Variants in CELF2 observed in about 807,000 individuals in gnomAD.
CELF2 encodes CUGBP Elav-like family member 2, also known as CUG triplet repeat RNA-binding protein 2.
Under a neutral mutation model 62.6 loss-of-function variants are expected in CELF2, and 8 were observed. The observed-to-expected ratio is 0.13, with a 90% CI of 0.07 to 0.23. The LOEUF is 0.23. Ranked by LOEUF, CELF2 falls within the 10% of genes least tolerant of loss-of-function variation. The probability of loss-of-function intolerance (pLI) is 1.00; values close to 1 mark genes in which losing one functional copy is unlikely to be tolerated. For synonymous variants in CELF2, 258 were observed against 250.0 expected, an observed-to-expected ratio of 1.03 and a Z score of -0.30; for missense variants, 333 against 671.0, an observed-to-expected ratio of 0.50 and a Z score of 5.56.
At chr10:10,656,878 A>T in the CELF2 span, among the ~76,000 whole-genome samples, 1 of 151,560 alleles carries the variant, frequency 6.6e-6, no homozygotes, top group African/African-American at 2.4e-5. Flanking sequence ...TAATTAAAAA[A>T]ATAAAAAATA....
the CELF2 span, among the ~76,000 whole-genome samples, chr10:10,606,147 A>G: frequency 1.3e-3 from 197 of 152,338 alleles, no homozygotes; most frequent in African/African-American, 4.5e-3. Flanking sequence ...ACAAAGGGGT[A>G]GAAGGATTCA....
chr10:10,549,288 G>A, the CELF2 span, among the ~76,000 whole-genome samples: 1 of 152,040 alleles, frequency 6.6e-6, no homozygotes, highest in Non-Finnish European at 1.5e-5. Context: ...TCTTCTTTTT[G>A]TTGTTGTCTT....
the CELF2 span, among the ~76,000 whole-genome samples, chr10:10,785,814 T>A: frequency 2.0e-5 from 3 of 152,198 alleles, no homozygotes; most frequent in African/African-American, 7.2e-5. Flanking sequence ...TTGCACAACA[T>A]GGTGACTATA....
chr10:10,847,508 T>C (rs1181682004), intron 1 of CELF2, among the ~76,000 whole-genome samples: 2 of 152,166 alleles, frequency 1.3e-5, no homozygotes, highest in Non-Finnish European at 2.9e-5. Flanking sequence ...CCTCACTCTG[T>C]AAACATTCAC....
At chr10:11,131,784 G>C (rs752086941) in intron 1 of CELF2, among the ~76,000 whole-genome samples, 26 of 152,354 alleles carry the variant, frequency 1.7e-4, no homozygotes, top group Non-Finnish European at 2.9e-4. Context: ...TTTGGGAAAA[G>C]AGAGGGTTCA....
chr10:11,181,566 A>C (rs1300177335), intron 2 of CELF2, among the ~76,000 whole-genome samples: 1 of 152,176 alleles, frequency 6.6e-6, no homozygotes, highest in Non-Finnish European at 1.5e-5. Context: ...TCCAGTGCAT[A>C]TGCCATTGCA....
chr10:11,313,468 C>T (rs11257055), intron 9 of CELF2, among the ~76,000 whole-genome samples: 34,459 of 152,060 alleles, frequency 0.23, 4,512 homozygotes, highest in East Asian at 0.38. Flanking sequence ...AAACAAAATA[C>T]AGCAATTTCT....
chr10:11,044,492 T>G (rs1246673479), intron 1 of CELF2, among the ~76,000 whole-genome samples: 1 of 152,246 alleles, frequency 6.6e-6, no homozygotes, highest in Non-Finnish European at 1.5e-5. Flanking sequence ...TCAATTTGTG[T>G]GAATCTCTGT....
At position 11,335,747 on chromosome 10, in the gene CELF2, GATTAA is replaced by G. The variant is rs2096108246; in HGVS notation, c.*6699_*6703del. 1 of 152,100 alleles carries G rather than the reference GATTAA, an allele frequency of 6.6e-6. No homozygotes were observed. Among genetic ancestry groups the G allele is most frequent in the African/African-American group, 2.4e-5 (1 of 41,390 alleles). 9.4% of individuals were successfully genotyped at this position (152,100 alleles called of 1,614,324 possible). A position where few individuals can be genotyped will look rare whatever the true frequency, so the allele number is the denominator to read the frequency against. Reference sequence around the variant, plus strand: ...GGGGATGTTGGGAGGCATGGGGGGTGATTAAATTATCATTTCCAAGGTGCAAGTGT... The same window carrying G: ...GGGGATGTTGGGAGGCATGGGGGGTGATTATCATTTCCAAGGTGCAAGTGT... On this transcript the variant is annotated 3_prime_UTR_variant, in exon 13 of 13. Coordinates refer to ENST00000633077, the MANE Select transcript of CELF2 (RefSeq NM_001326342.2). The surrounding 1 kb of genome is among the most constrained non-coding windows in gnomAD (Gnocchi z 5.0).
intron 1 of CELF2, among the ~76,000 whole-genome samples, chr10:10,835,984 G>T (rs1433235925): frequency 1.3e-5 from 2 of 152,134 alleles, no homozygotes; most frequent in Non-Finnish European, 2.9e-5. Flanking sequence ...TTGAAGTGGA[G>T]GGAGGGGAGG....
chr10:11,099,890 A>ACAAC (rs1564736270), intron 1 of CELF2, among the ~76,000 whole-genome samples: 1 of 142,420 alleles, frequency 7.0e-6, no homozygotes, highest in African/African-American at 2.7e-5. Context: ...ACAACAAAAA[A>ACAAC]AAAAAAAAAA....
At chr10:10,744,646 T>G in the CELF2 span, among the ~76,000 whole-genome samples, 3 of 152,156 alleles carry the variant, frequency 2.0e-5, no homozygotes, top group African/African-American at 4.8e-5. Context: ...AAATATGCAT[T>G]TATCTGTGAC....
intron 2 of CELF2, among the ~76,000 whole-genome samples, chr10:10,959,407 T>C (rs1165185764): frequency 6.6e-6 from 1 of 152,222 alleles, no homozygotes; most frequent in Non-Finnish European, 1.5e-5. Context: ...CTATATATGG[T>C]GTACTCCCTT....
At chr10:10,878,434 A>G (rs2061246561) in intron 1 of CELF2, among the ~76,000 whole-genome samples, 1 of 152,042 alleles carries the variant, frequency 6.6e-6, no homozygotes, top group African/African-American at 2.4e-5. Flanking sequence ...CTTTCATGAA[A>G]CCTTGAATTT....
At chr10:10,828,183 G>A (rs1196851707) in intron 1 of CELF2, among the ~76,000 whole-genome samples, 1 of 152,054 alleles carries the variant, frequency 6.6e-6, no homozygotes, top group African/African-American at 2.4e-5. Flanking sequence ...ATTAAAAGCT[G>A]GTTCTCAAAG....
chr10:11,122,710 A>T (rs752445543), intron 1 of CELF2, among the ~76,000 whole-genome samples: 20 of 152,266 alleles, frequency 1.3e-4, no homozygotes, highest in Non-Finnish European at 2.8e-4. Context: ...AGAAATTCTC[A>T]TGCATAACTT....
chr10:10,981,427 C>T (rs1030923052), intron 2 of CELF2, among the ~76,000 whole-genome samples: 1 of 152,142 alleles, frequency 6.6e-6, no homozygotes, highest in Non-Finnish European at 1.5e-5. Context: ...CTAATAGATT[C>T]AAGGTTGAAG....
the CELF2 span, among the ~76,000 whole-genome samples, chr10:10,478,519 G>A: frequency 1.3e-5 from 2 of 151,964 alleles, no homozygotes; most frequent in Admixed American, 1.3e-4. Flanking sequence ...AGTAATACAC[G>A]ATAAAACTCT....
the CELF2 span, among the ~76,000 whole-genome samples, chr10:10,588,982 A>G: frequency 6.6e-6 from 1 of 152,164 alleles, no homozygotes; most frequent in African/African-American, 2.4e-5. Flanking sequence ...TTAGAAGTTT[A>G]TTTTCCCAAG....
Sources: allele counts gnomAD v4.1 joint callset (sites outside exome capture counted in the v4.1 genomes callset), GRCh38; gene constraint gnomAD v4.1.1; non-coding constraint Gnocchi (gnomAD v3.1); transcripts MANE v1.5; gene names NCBI Gene and HGNC (gene_info 2026-07-23, HGNC 2026-07-21).